SPATA17: variants seen among roughly 807,000 people sequenced by gnomAD.
The protein encoded by SPATA17 is spermatogenesis-associated protein 17.
In SPATA17, 53 loss-of-function variants were observed where a neutral mutation model predicts 62.2. That is an observed-to-expected ratio of 0.85 (90% CI 0.68 to 1.07). The LOEUF is 1.07. Ranked by LOEUF, SPATA17 falls within the 50% of genes least tolerant of loss-of-function variation. The probability of loss-of-function intolerance (pLI) is 0.00; values close to 1 mark genes in which losing one functional copy is unlikely to be tolerated. For missense variants in SPATA17, 466 were observed against 425.5 expected, an observed-to-expected ratio of 1.10 and a Z score of -0.84; for synonymous variants, 146 against 146.8, an observed-to-expected ratio of 0.99 and a Z score of 0.04.
At chr1:217,766,720 CTTT>C (rs71167423) in intron 6 of SPATA17, among the ~76,000 whole-genome samples, 76 of 131,390 alleles carry the variant, frequency 5.8e-4, no homozygotes, top group East Asian at 5.6e-4. Flanking sequence ...ATATCGTTCT[CTTT>C]TTTTTTTTTT....
chr1:217,771,217 G>A (rs1234512402), intron 6 of SPATA17, among the ~76,000 whole-genome samples: 1 of 150,956 alleles, frequency 6.6e-6, no homozygotes, highest in Non-Finnish European at 1.5e-5. Context: ...CTCAGTTGTA[G>A]GCTTTTTCTT....
At chr1:217,717,552 G>C (rs1042750331) in intron 5 of SPATA17, among the ~76,000 whole-genome samples, 2 of 152,056 alleles carry the variant, frequency 1.3e-5, no homozygotes, top group Middle Eastern at 6.8e-3. Context: ...CAGAGGTTGC[G>C]GTGTTCTGAT....
At chr1:217,677,289 C>CA (rs1403358357) in intron 4 of SPATA17, among the ~76,000 whole-genome samples, 2 of 151,432 alleles carry the variant, frequency 1.3e-5, no homozygotes, top group South Asian at 2.1e-4. Context: ...GTCTAAAATA[C>CA]AAAAAAAGTT....
At chr1:217,840,467 G>C (rs1026633596) in intron 9 of SPATA17, among the ~76,000 whole-genome samples, 4 of 151,746 alleles carry the variant, frequency 2.6e-5, no homozygotes, top group African/African-American at 7.3e-5. Context: ...GTTCATCACT[G>C]CTATCTGGCC....
chr1:217,739,647 T>C (rs1672583574), intron 5 of SPATA17: 1 of 152,158 alleles, frequency 6.6e-6, no homozygotes. Context: ...CCTTTTATTT[T>C]TAATGAGATC....
At chr1:217,800,194 T>A (rs1674272312) in intron 8 of SPATA17, among the ~76,000 whole-genome samples, 1 of 152,200 alleles carries the variant, frequency 6.6e-6, no homozygotes. Flanking sequence ...AAAAATTAGA[T>A]TAGAAACTCT....
At chr1:217,837,099 C>A (rs4846444) in intron 9 of SPATA17, among the ~76,000 whole-genome samples, 120,778 of 151,916 alleles carry the variant, frequency 0.8, 48,469 homozygotes, top group Admixed American at 0.83. Flanking sequence ...ATGGCTTGGC[C>A]TACTCAAATG....
At chr1:217,638,963 A>G (rs1179448814) in intron 1 of SPATA17, among the ~76,000 whole-genome samples, 1 of 152,126 alleles carries the variant, frequency 6.6e-6, no homozygotes, top group Non-Finnish European at 1.5e-5. Context: ...TATGGAGGAC[A>G]TACCCAGAGG....
intron 10 of SPATA17, among the ~76,000 whole-genome samples, chr1:217,865,271 A>G (rs1018241): frequency 0.013 from 1,978 of 152,306 alleles, 9 homozygotes; most frequent in Middle Eastern, 0.048. Flanking sequence ...TCACTTCACT[A>G]TAATTCACCC....
chr1:217,831,122 C>A (rs188781332), intron 9 of SPATA17, among the ~76,000 whole-genome samples: 77 of 152,028 alleles, frequency 5.1e-4, no homozygotes, highest in African/African-American at 1.7e-3. Context: ...AAAATGTAGT[C>A]CTTTGATGAT....
At chr1:217,858,520 T>C (rs1047623175) in intron 9 of SPATA17, among the ~76,000 whole-genome samples, 3 of 152,212 alleles carry the variant, frequency 2.0e-5, no homozygotes, top group South Asian at 4.1e-4. Context: ...AGAAAATAGA[T>C]ATCATTTCTT....
chr1:217,796,697 AAT>A (rs1674159742), intron 8 of SPATA17, among the ~76,000 whole-genome samples: 1 of 152,184 alleles, frequency 6.6e-6, no homozygotes, highest in Non-Finnish European at 1.5e-5. Flanking sequence ...AAGTCTGTCT[AAT>A]TTCTATTCCA....
chr1:217,790,887 G>A (rs1259016993), intron 8 of SPATA17, among the ~76,000 whole-genome samples: 2 of 152,236 alleles, frequency 1.3e-5, no homozygotes, highest in East Asian at 3.9e-4. Flanking sequence ...GGTAAGCACT[G>A]GTTCTATTTA....
chr1:217,730,750 A>G (rs1036336616), intron 5 of SPATA17, among the ~76,000 whole-genome samples: 1 of 152,118 alleles, frequency 6.6e-6, no homozygotes, highest in African/African-American at 2.4e-5. Context: ...CACTTCTCTT[A>G]CCTGATTTTT....
chr1:217,824,657 A>G (rs1674943964), intron 9 of SPATA17, among the ~76,000 whole-genome samples: 1 of 150,732 alleles, frequency 6.6e-6, no homozygotes, highest in Non-Finnish European at 1.5e-5. Context: ...ATATTCATGT[A>G]CTTTATACAA....
intron 1 of SPATA17, among the ~76,000 whole-genome samples, chr1:217,631,762 T>G (rs1420633354): frequency 6.6e-6 from 1 of 152,208 alleles, no homozygotes; most frequent in Non-Finnish European, 1.5e-5. Flanking sequence ...ATACCCTGAC[T>G]GGGGGTCACC....
chr1:217,819,097 G>A (rs984711175), intron 9 of SPATA17, among the ~76,000 whole-genome samples: 3 of 151,048 alleles, frequency 2.0e-5, no homozygotes, highest in East Asian at 1.9e-4. Context: ...ATTTTTGTTT[G>A]AGAATATTTA....
At chr1:217,731,063 T>C (rs941290379) in intron 5 of SPATA17, among the ~76,000 whole-genome samples, 28 of 152,286 alleles carry the variant, frequency 1.8e-4, no homozygotes, top group African/African-American at 6.7e-4. Context: ...CTTTCTTCTC[T>C]TCTCTTATAA....
chr1:217,677,506 T>C (rs1362149663), intron 4 of SPATA17, among the ~76,000 whole-genome samples: 1 of 151,904 alleles, frequency 6.6e-6, no homozygotes, highest in Non-Finnish European at 1.5e-5. Flanking sequence ...ATACGGAAGG[T>C]CTTTTATATG....
Sources: gnomAD v4.1 joint callset for allele counts (sites outside exome capture counted in the v4.1 genomes callset) on GRCh38, gnomAD v4.1.1 for gene constraint, MANE v1.5 for transcripts, NCBI Gene and HGNC (gene_info 2026-07-23, HGNC 2026-07-21) for gene names.